The following SCGN variants were observed in gnomAD, a reference collection of about 807,000 sequenced individuals.
The protein encoded by SCGN is secretagogin, EF-hand calcium binding protein.
A neutral mutation model predicts 39.7 loss-of-function variants in SCGN; 30 were observed. The observed-to-expected ratio is 0.76, with a 90% CI of 0.57 to 1.03. The LOEUF (loss-of-function observed/expected upper bound fraction) is 1.03. SCGN is among the 50% of genes least tolerant of loss of function. SCGN has a pLI of 0.00. For synonymous variants in SCGN, 106 were observed against 114.1 expected (o/e 0.93, Z 0.45); for missense variants, 353 against 349.4 (o/e 1.01, Z -0.08).
At chr6:25,654,173 G>C (rs1230345655) in intron 2 of SCGN, among the ~76,000 whole-genome samples, 11 of 152,194 alleles carry the variant, frequency 7.2e-5, no homozygotes, top group African/African-American at 2.4e-4. Context: ...ACGCTCTAGG[G>C]ACAATTGAAT....
chr6:25,664,556 G>A (rs1760395348), intron 3 of SCGN, among the ~76,000 whole-genome samples: 1 of 152,038 alleles, frequency 6.6e-6, no homozygotes, highest in South Asian at 2.1e-4. Context: ...GCAAACATAA[G>A]CATTATTTGC....
chr6:25,655,692 G>C (rs563525876), intron 2 of SCGN, among the ~76,000 whole-genome samples: 1 of 152,090 alleles, frequency 6.6e-6, no homozygotes, highest in Admixed American at 6.5e-5. Flanking sequence ...CAGACCCCTA[G>C]GTCTCATCCT....
rs1343000163 is a variant in SCGN at position 25,689,454 on chromosome 6, A to T, written c.574-19A>T. On this transcript the variant is annotated intron_variant, in intron 8 of 10. Coordinates refer to ENST00000377961, the MANE Select transcript of SCGN (RefSeq NM_006998.4). ...ATTGTCACATTGCTGGACTGACATAATGTTTTTTCCTTACACAGGCTTGTT... is the reference window on the plus strand; with the variant it reads ...ATTGTCACATTGCTGGACTGACATATTGTTTTTTCCTTACACAGGCTTGTT... 6.2e-7 allele frequency: 1 copy of T among 1,608,636 alleles called. No homozygotes were observed. The highest frequency in any genetic ancestry group is 8.5e-7 in the Non-Finnish European group (1 of 1,175,272).
At chr6:25,652,506 G>T in intron 1 of SCGN, 21 bp downstream of exon 1, 1 of 1,608,846 alleles carries the variant, frequency 6.2e-7, no homozygotes, top group Non-Finnish European at 8.5e-7. Flanking sequence ...CAAGCCACTT[G>T]CACACTCAGG....
At chr6:25,695,674 G>A (rs1182369084) in intron 10 of SCGN, among the ~76,000 whole-genome samples, 2 of 152,092 alleles carry the variant, frequency 1.3e-5, no homozygotes, top group Admixed American at 6.6e-5. Flanking sequence ...GGATTCACAG[G>A]TGCATGCCAC....
intron 7 of SCGN, among the ~76,000 whole-genome samples, chr6:25,686,252 C>T (rs775928928): frequency 3.9e-5 from 6 of 152,076 alleles, no homozygotes; most frequent in Non-Finnish European, 8.8e-5. Context: ...ATTTTTGGTT[C>T]GTGTCGTAAT....
At chr6:25,689,253 A>G (rs1407304789) in intron 8 of SCGN, 36 bp downstream of exon 8, 2 of 1,465,702 alleles carry the variant, frequency 1.4e-6, no homozygotes, top group Non-Finnish European at 1.9e-6. Context: ...GGTTTATGTC[A>G]TTGCTGTTTC....
intron 9 of SCGN, 79 bp downstream of exon 9, chr6:25,689,611 C>A (rs1243450301): frequency 5.9e-6 from 7 of 1,178,226 alleles, no homozygotes; most frequent in Non-Finnish European, 8.8e-6. Context: ...CCATCTTACC[C>A]AACAGACCCT....
chr6:25,661,735 A>G (rs149550642), intron 3 of SCGN, 91 bp downstream of exon 3: 19,545 of 845,902 alleles, frequency 0.023, 312 homozygotes, highest in Middle Eastern at 0.049. Context: ...ATTCTTTGAA[A>G]GACAATGGAA....
At chr6:25,695,383 AC>A (rs1454974871) in intron 10 of SCGN, among the ~76,000 whole-genome samples, 1 of 151,664 alleles carries the variant, frequency 6.6e-6, no homozygotes, top group East Asian at 1.9e-4. Context: ...TTCTCTAGCC[AC>A]CCCCCTCCAC....
chr6:25,659,386 G>A (rs1760291512), intron 2 of SCGN, among the ~76,000 whole-genome samples: 1 of 152,138 alleles, frequency 6.6e-6, no homozygotes, highest in Admixed American at 6.6e-5. Context: ...CCAACAACAA[G>A]GTGCGGTGGA....
rs116325082 is a variant in SCGN at position 25,691,124 on chromosome 6, G to A, written c.702G>A (p.Gln234=). 8,544 of 1,609,872 alleles carry A rather than the reference G, an allele frequency of 5.3e-3. 26 individuals carry two copies. The highest frequency in any genetic ancestry group is 0.017 in the East Asian group (757 of 44,846). The change falls in exon 10 of 11, where the codon CAG becomes CAA. Residue 234 remains glutamine (Q), a splice_region_variant and synonymous_variant. Transcript: ENST00000377961. The part of the protein sequence containing the change: ...GFVKDMMELV[Q]PSISGVDLDK... ...TCAAAGACATGATGGAGCTTGTCCA[G>A]GTGAGTGCACGTTCTTCTTATTATG...
intron 2 of SCGN, among the ~76,000 whole-genome samples, chr6:25,659,550 TTTC>T (rs1337112249): frequency 1.8e-4 from 28 of 152,368 alleles, no homozygotes; most frequent in Non-Finnish European, 3.5e-4. Flanking sequence ...TCTGATTTTT[TTTC>T]TTCTTTATTC....
chr6:25,661,743 G>A, intron 3 of SCGN, 99 bp downstream of exon 3: 2 of 795,742 alleles, frequency 2.5e-6, no homozygotes, highest in African/African-American at 3.5e-5. Flanking sequence ...AAAGACAATG[G>A]AAACTTTACA....
chr6:25,688,671 G>A (rs988035172), intron 7 of SCGN, among the ~76,000 whole-genome samples: 3 of 151,920 alleles, frequency 2.0e-5, no homozygotes, highest in Non-Finnish European at 4.4e-5. Flanking sequence ...GACTGGTGGC[G>A]GGCGCCTGTA....
intron 3 of SCGN, among the ~76,000 whole-genome samples, chr6:25,664,736 T>C (rs544239603): frequency 2.6e-5 from 4 of 152,310 alleles, no homozygotes; most frequent in African/African-American, 9.6e-5. Context: ...TAGTGATTTA[T>C]ACTTAGTAGG....
intron 4 of SCGN, among the ~76,000 whole-genome samples, chr6:25,668,714 C>A (rs1759433969): frequency 6.6e-6 from 1 of 152,184 alleles, no homozygotes; most frequent in African/African-American, 2.4e-5. Context: ...ATACTTGGGA[C>A]AGGCTTTGGT....
At chr6:25,655,406 C>T (rs1760209710) in intron 2 of SCGN, among the ~76,000 whole-genome samples, 1 of 152,084 alleles carries the variant, frequency 6.6e-6, no homozygotes. Flanking sequence ...AGCATTGTTG[C>T]CATTGTGAGA....
intron 6 of SCGN, among the ~76,000 whole-genome samples, chr6:25,677,198 A>G (rs1759574771): frequency 6.6e-6 from 1 of 151,938 alleles, no homozygotes; most frequent in African/African-American, 2.4e-5. Context: ...AACTTACCTG[A>G]ATTCTTATCT....
Sources: gnomAD v4.1 joint callset for allele counts (sites outside exome capture counted in the v4.1 genomes callset) on GRCh38, gnomAD v4.1.1 for gene constraint, MANE v1.5 for transcripts, NCBI Gene and HGNC (gene_info 2026-07-23, HGNC 2026-07-21) for gene names.